NBEA: variants seen among roughly 807,000 people sequenced by gnomAD.
NBEA encodes the protein neurobeachin.
In NBEA, 44 loss-of-function variants were observed where a neutral mutation model predicts 343.4. The ratio of observed to expected loss-of-function variants is 0.13; its 90% CI spans 0.10 to 0.16. NBEA has a LOEUF of 0.16. NBEA is among the 10% of genes least tolerant of loss of function. NBEA has a pLI of 1.00. For synonymous variants in NBEA, 1,175 were observed against 1,238.7 expected, an observed-to-expected ratio of 0.95 and a Z score of 1.08; for missense variants, 2,555 against 3,631.3, an observed-to-expected ratio of 0.70 and a Z score of 7.62.
intron 40 of NBEA, among the ~76,000 whole-genome samples, chr13:35,462,560 C>T (rs770838834): frequency 6.6e-6 from 1 of 152,024 alleles, no homozygotes; most frequent in African/African-American, 2.4e-5. Flanking sequence ...CCTTAAGGAA[C>T]CTTGTTTTTA....
At chr13:35,658,893 T>C (rs1462091625) in intron 55 of NBEA, among the ~76,000 whole-genome samples, 1 of 152,206 alleles carries the variant, frequency 6.6e-6, no homozygotes, top group Admixed American at 6.5e-5. Context: ...TCACTCTTTT[T>C]TCAGGCAGTC....
At chr13:35,667,289 C>T (rs998217450) in intron 56 of NBEA, 85 bp from the exon 57 acceptor site, 1 of 1,154,208 alleles carries the variant, frequency 8.7e-7, no homozygotes, top group Non-Finnish European at 1.3e-6. Context: ...TGAGCGCACA[C>T]CCAGCAAGGT....
chr13:35,076,048 G>C lies in NBEA; in HGVS notation c.1571+5196G>C, dbSNP rs377176403. 9.9e-4 allele frequency among the ~76,000 whole-genome samples: 151 copies of C among 151,868 alleles called. 2 individuals are homozygous for C. The South Asian group carries it at 0.03, about 30-fold the overall frequency. On this transcript the variant is annotated intron_variant, in intron 10 of 58. Coordinates refer to ENST00000379939, the MANE Select transcript of NBEA (RefSeq NM_001385012.1). ...TTAATAGGGAAAATAATTAAAATTA[G>C]TACCTGTTTATAATAATTGCTTATC... is the stretch of plus-strand genomic sequence containing the variant.
intron 8 of NBEA, among the ~76,000 whole-genome samples, chr13:35,068,471 A>G (rs1224838457): frequency 1.3e-5 from 2 of 152,180 alleles, no homozygotes; most frequent in Non-Finnish European, 1.5e-5. Flanking sequence ...TTCAGTGTTT[A>G]ACAACTTATC....
chr13:35,175,844 G>C (rs2152725973), intron 27 of NBEA, among the ~76,000 whole-genome samples: 1 of 152,136 alleles, frequency 6.6e-6, no homozygotes, highest in Admixed American at 6.6e-5. Context: ...ATACCTTCAT[G>C]TGACCTCATT....
At chr13:35,442,367 A>G (rs1350402735) in intron 39 of NBEA, among the ~76,000 whole-genome samples, 1 of 152,158 alleles carries the variant, frequency 6.6e-6, no homozygotes, top group Non-Finnish European at 1.5e-5. Flanking sequence ...GATTTTTAGT[A>G]TAATGAAATC....
At position 35,105,644 on chromosome 13, in the gene NBEA, A is replaced by T. The variant is rs549353107; in HGVS notation, c.1681-3646A>T. On this transcript the variant is annotated intron_variant, in intron 11 of 58. Coordinates refer to ENST00000379939, the MANE Select transcript of NBEA (RefSeq NM_001385012.1). ...CTTTGAACCAGTTGTTGCTATGAGA[A>T]TGCTAAACTTTGATACTGAATCTCT... Among the ~76,000 whole-genome samples the T allele has an allele frequency of 1.9e-4, 29 of 152,034 alleles. 1 individual carries two copies. In the South Asian group the frequency reaches 5.6e-3, roughly 29 times the overall value.
At chr13:35,608,473 C>T (rs993108769) in intron 48 of NBEA, among the ~76,000 whole-genome samples, 9 of 152,112 alleles carry the variant, frequency 5.9e-5, no homozygotes, top group African/African-American at 9.7e-5. Flanking sequence ...AGGATACCAG[C>T]GCTACAAATG....
rs573647020 is a variant in NBEA at position 35,417,337 on chromosome 13, A to G, written c.6180-14932A>G. On this transcript the variant is annotated intron_variant, in intron 38 of 58. Coordinates refer to ENST00000379939, the MANE Select transcript of NBEA (RefSeq NM_001385012.1). Reference sequence around the variant, plus strand: ...TTTTAATTGTGTTGTTAGGGTGTCAATTTTAGATCTTTCCTGCTTTCTCTT... The same window carrying G: ...TTTTAATTGTGTTGTTAGGGTGTCAGTTTTAGATCTTTCCTGCTTTCTCTT... Among the ~76,000 whole-genome samples the G allele has an allele frequency of 2.0e-5, 3 of 151,794 alleles. No homozygotes were observed. In the East Asian group the frequency reaches 5.8e-4, roughly 30 times the overall value.
intron 12 of NBEA, among the ~76,000 whole-genome samples, chr13:35,110,052 A>AATTTTTTTTTTTTTTTTTTTTTTTT (rs1566299514): frequency 7.8e-5 from 7 of 89,236 alleles, no homozygotes; most frequent in East Asian, 2.3e-4. Context: ...TTTTTTTTTT[A>AATTTTTTTTTTTTTTTTTTTTTTTT]AATGTTTTTT....
At chr13:35,314,325 G>A (rs1025657795) in intron 36 of NBEA, among the ~76,000 whole-genome samples, 1 of 152,128 alleles carries the variant, frequency 6.6e-6, no homozygotes, top group Admixed American at 6.6e-5. Flanking sequence ...GCCAATTGAG[G>A]TTGCTGTCTT....
intron 39 of NBEA, among the ~76,000 whole-genome samples, chr13:35,448,992 G>A (rs1566149190): frequency 6.6e-6 from 1 of 152,182 alleles, no homozygotes; most frequent in Non-Finnish European, 1.5e-5. Flanking sequence ...CCAGGCCAAG[G>A]AGGAAAGGTA....
At chr13:34,970,871 C>T (rs1203993600) in intron 1 of NBEA, among the ~76,000 whole-genome samples, 2 of 152,044 alleles carry the variant, frequency 1.3e-5, no homozygotes, top group Admixed American at 1.3e-4. Context: ...TTTTTGGTTC[C>T]ATACGAATTT....
intron 38 of NBEA, among the ~76,000 whole-genome samples, chr13:35,426,744 C>G (rs1224364787): frequency 6.6e-6 from 1 of 152,150 alleles, no homozygotes; most frequent in African/African-American, 2.4e-5. Flanking sequence ...AGAGTGTTTT[C>G]CAACTTGGTT....
chr13:35,499,331 A>G (rs1297671491), intron 41 of NBEA, among the ~76,000 whole-genome samples: 1 of 152,086 alleles, frequency 6.6e-6, no homozygotes, highest in Non-Finnish European at 1.5e-5. Flanking sequence ...TAGGTCAAGT[A>G]TAAGAGGCAC....
At chr13:35,631,417 C>G (rs1429751619) in intron 49 of NBEA, among the ~76,000 whole-genome samples, 1 of 151,732 alleles carries the variant, frequency 6.6e-6, no homozygotes, top group Non-Finnish European at 1.5e-5. Context: ...AGATATTAAC[C>G]CTTTTATTGA....
intron 24 of NBEA, among the ~76,000 whole-genome samples, chr13:35,167,101 A>G (rs1310206465): frequency 1.1e-4 from 16 of 152,018 alleles, no homozygotes; most frequent in Non-Finnish European, 1.5e-5. Flanking sequence ...AGGAATAATA[A>G]TGGTTTATGG....
At chr13:35,493,875 G>GA (rs1253543985) in intron 41 of NBEA, among the ~76,000 whole-genome samples, 1 of 151,754 alleles carries the variant, frequency 6.6e-6, no homozygotes, top group African/African-American at 2.4e-5. Flanking sequence ...TTCCTGAAAA[G>GA]TTAGCATATT....
chr13:35,670,124 G>C (rs909176302), intron 58 of NBEA, among the ~76,000 whole-genome samples: 1 of 152,132 alleles, frequency 6.6e-6, no homozygotes. Flanking sequence ...TTACTCAAAA[G>C]GTATTTATTG....
Sources: allele counts gnomAD v4.1 joint callset (sites outside exome capture counted in the v4.1 genomes callset), GRCh38; gene constraint gnomAD v4.1.1; transcripts MANE v1.5; gene names NCBI Gene and HGNC (gene_info 2026-07-23, HGNC 2026-07-21).